Variants in PTPRO observed in about 807,000 individuals in gnomAD.
PTPRO encodes the protein receptor-type tyrosine-protein phosphatase O.
Under a neutral mutation model 145.2 loss-of-function variants are expected in PTPRO, and 62 were observed. That is an observed-to-expected ratio of 0.43 (90% CI 0.35 to 0.53). The LOEUF is 0.53. Ranked by LOEUF, PTPRO falls within the 20% of genes least tolerant of loss-of-function variation. PTPRO has a pLI of 0.01. For synonymous variants in PTPRO, 565 were observed against 514.7 expected, an observed-to-expected ratio of 1.10 and a Z score of -1.32; for missense variants, 1,345 against 1,482.7, an observed-to-expected ratio of 0.91 and a Z score of 1.53.
intron 1 of PTPRO, among the ~76,000 whole-genome samples, chr12:15,357,910 C>A (rs1189434544): frequency 1.3e-5 from 2 of 150,618 alleles, no homozygotes; most frequent in Non-Finnish European, 3.0e-5. Context: ...GACTATAAAT[C>A]ATGCTGCTAT....
At chr12:15,437,001 T>C (rs998666827) in intron 1 of PTPRO, among the ~76,000 whole-genome samples, 1 of 151,964 alleles carries the variant, frequency 6.6e-6, no homozygotes, top group Non-Finnish European at 1.5e-5. Flanking sequence ...GAGATCGTGG[T>C]GCAACAGAGC....
chr12:15,530,293 A>G (rs911910199), intron 12 of PTPRO, among the ~76,000 whole-genome samples: 1 of 152,144 alleles, frequency 6.6e-6, no homozygotes, highest in Non-Finnish European at 1.5e-5. Flanking sequence ...GGACTTCAAC[A>G]CCCCACTCTC....
chr12:15,597,771 T>A lies in PTPRO; in HGVS notation c.*1698T>A, dbSNP rs1273931674. 6.6e-6 allele frequency among the ~76,000 whole-genome samples: 1 copy of A among 152,160 alleles called. No homozygotes were observed. Among genetic ancestry groups the A allele is most frequent in the Non-Finnish European group, 1.5e-5 (1 of 68,028 alleles). On this transcript the variant is annotated 3_prime_UTR_variant, in exon 27 of 27. Transcript: ENST00000281171. The stretch of plus-strand genomic sequence containing the variant: ...TCCTACTCACCTCCCTGCTACCACC[T>A]CCTCCTCTTCTTCTCACCCCCGACT...
In PTPRO at chr12:15,443,685, A is replaced by G. The variant is rs549360896; in HGVS notation, c.76-40289A>G. Among the ~76,000 whole-genome samples the G allele has an allele frequency of 3.3e-5, 5 of 152,236 alleles. No homozygotes were observed. In the South Asian group the frequency reaches 1.0e-3, roughly 32 times the overall value. On this transcript the variant is annotated intron_variant, in intron 1 of 26. Coordinates refer to ENST00000281171, the MANE Select transcript of PTPRO (RefSeq NM_030667.3). ...AATAATCCCATTAAAAATAGGCAAA[A>G]TACATGAACAGACACGCCTCAAAAG...
chr12:15,564,700 T>C (rs1943855114), intron 17 of PTPRO, among the ~76,000 whole-genome samples: 1 of 152,214 alleles, frequency 6.6e-6, no homozygotes, highest in South Asian at 2.1e-4. Flanking sequence ...CTATAGACTG[T>C]TTATTTTCTG....
intron 1 of PTPRO, among the ~76,000 whole-genome samples, chr12:15,362,525 A>C (rs1212357042): frequency 6.6e-6 from 1 of 152,210 alleles, no homozygotes; most frequent in Admixed American, 6.5e-5. Flanking sequence ...AGGTCTTTAT[A>C]GAGAAAACAG....
intron 10 of PTPRO, among the ~76,000 whole-genome samples, chr12:15,523,112 C>T (rs1942761995): frequency 6.6e-6 from 1 of 152,130 alleles, no homozygotes; most frequent in Non-Finnish European, 1.5e-5. Flanking sequence ...TATATAAGTG[C>T]TACTCGTATT....
intron 1 of PTPRO, among the ~76,000 whole-genome samples, chr12:15,424,800 T>A (rs957346866): frequency 6.6e-6 from 1 of 151,588 alleles, no homozygotes; most frequent in East Asian, 1.9e-4. Flanking sequence ...GTATGTAGAG[T>A]GTTTAAGGAC....
At chr12:15,516,430 GAGAA>G (rs1351022849) in intron 8 of PTPRO, among the ~76,000 whole-genome samples, 6 of 131,048 alleles carry the variant, frequency 4.6e-5, no homozygotes, top group South Asian at 2.5e-4. Flanking sequence ...GAGAAAAAGT[GAGAA>G]AGAGAGTGAG....
rs572304906 is a variant in PTPRO, at chr12:15,445,618, C to T, written c.76-38356C>T. Reference sequence around the variant, plus strand: ...TACAGCTAAGTAAAATGTTCTGTCCCGCTTTGAGTTAACAATCAATCATGT... The same window carrying T: ...TACAGCTAAGTAAAATGTTCTGTCCTGCTTTGAGTTAACAATCAATCATGT... On this transcript the variant is annotated intron_variant, in intron 1 of 26. Coordinates refer to ENST00000281171, the MANE Select transcript of PTPRO (RefSeq NM_030667.3). Among the ~76,000 whole-genome samples, 10 of 152,150 alleles carry T rather than the reference C, an allele frequency of 6.6e-5. No homozygotes were observed. The East Asian group carries it at 9.6e-4, about 15-fold the overall frequency.
At chr12:15,371,443 G>T (rs1362325292) in intron 1 of PTPRO, among the ~76,000 whole-genome samples, 1 of 151,772 alleles carries the variant, frequency 6.6e-6, no homozygotes, top group Non-Finnish European at 1.5e-5. Context: ...ATCTTGGCCA[G>T]GTTGGTCTTG....
In PTPRO at chr12:15,546,583, A is replaced by G; in HGVS notation, c.2179A>G (p.Lys727Glu). Residue 727 changes from lysine (K) to glutamate (E), a missense_variant, in exon 13 of 27, where the codon AAA becomes GAA. This residue lies in a region of PTPRO where 1,130 missense variants were observed against 1,214.7 expected (regional missense o/e 0.93). Coordinates refer to ENST00000281171, the MANE Select transcript of PTPRO (RefSeq NM_030667.3). ...TCTTTGCTCAGAACCAGCTCCACCC[A>G]AATCACTCTTCGCAGTGAACAAAAC... ...RLVKLEPAPP[K>E]SLFAVNKTQT... 1 of 1,609,076 alleles carries G rather than the reference A, an allele frequency of 6.2e-7. No homozygotes were observed. Among genetic ancestry groups the G allele is most frequent in the Non-Finnish European group, 8.5e-7 (1 of 1,177,294 alleles).
At chr12:15,367,392 G>A (rs1206953561) in intron 1 of PTPRO, among the ~76,000 whole-genome samples, 1 of 152,150 alleles carries the variant, frequency 6.6e-6, no homozygotes, top group Non-Finnish European at 1.5e-5. Flanking sequence ...AACAATGTGA[G>A]CAAAATTTCA....
At chr12:15,498,075 C>A (rs1310748589) in intron 3 of PTPRO, among the ~76,000 whole-genome samples, 1 of 82,360 alleles carries the variant, frequency 1.2e-5, no homozygotes, top group Non-Finnish European at 2.3e-5. Flanking sequence ...CAGGGCACAT[C>A]GGGTGGGGGT....
chr12:15,373,491 A>T (rs1446651811), intron 1 of PTPRO, among the ~76,000 whole-genome samples: 2 of 152,202 alleles, frequency 1.3e-5, no homozygotes, highest in African/African-American at 4.8e-5. Context: ...TAATTTCACC[A>T]GTACTTTTTC....
intron 1 of PTPRO, among the ~76,000 whole-genome samples, chr12:15,355,003 T>C (rs564280272): frequency 6.6e-6 from 1 of 152,184 alleles, no homozygotes; most frequent in Non-Finnish European, 1.5e-5. Flanking sequence ...TTTATACCTA[T>C]CTTCTTTGTT....
intron 1 of PTPRO, among the ~76,000 whole-genome samples, chr12:15,326,989 T>C (rs1209569918): frequency 6.6e-6 from 1 of 152,242 alleles, no homozygotes; most frequent in Non-Finnish European, 1.5e-5. Context: ...TATGTGGTGT[T>C]AGGAATTTAA....
rs112125187 is a variant in PTPRO at position 15,549,236 on chromosome 12, C to T, written c.2437+10C>T. ...GCCGTCTCAACAATGGGTAATTATACACATTAGTGTATAATTTTCTCACTT... is the reference window on the plus strand; with the variant it reads ...GCCGTCTCAACAATGGGTAATTATATACATTAGTGTATAATTTTCTCACTT... On this transcript the variant is annotated intron_variant, in intron 14 of 26. Transcript: ENST00000281171. 6.3e-7 allele frequency: 1 copy of T among 1,590,098 alleles called. No homozygotes were observed. Among genetic ancestry groups the T allele is most frequent in the Non-Finnish European group, 8.5e-7 (1 of 1,170,386 alleles).
intron 12 of PTPRO, among the ~76,000 whole-genome samples, chr12:15,526,648 C>T (rs1411892250): frequency 1.3e-5 from 2 of 152,014 alleles, no homozygotes; most frequent in African/African-American, 4.8e-5. Flanking sequence ...ATTTAAAAAT[C>T]TACATATTGA....
Sources: gnomAD v4.1 joint callset for allele counts (sites outside exome capture counted in the v4.1 genomes callset) on GRCh38, gnomAD v4.1.1 for gene constraint, gnomAD v4.1.1 regional missense constraint, MANE v1.5 for transcripts, NCBI Gene and HGNC (gene_info 2026-07-23, HGNC 2026-07-21) for gene names.